The following MAP2K1 variants were observed in gnomAD, a reference collection of about 807,000 sequenced individuals.
MAP2K1 encodes mitogen-activated protein kinase kinase 1.
Under a neutral mutation model 46.3 loss-of-function variants are expected in MAP2K1, and 16 were observed. The observed-to-expected ratio is 0.35, with a 90% CI of 0.23 to 0.52. The LOEUF is 0.52. Among genes scored for constraint, MAP2K1 ranks in the 20% least tolerant of loss-of-function variants. MAP2K1 has a pLI of 0.94. For synonymous variants in MAP2K1, 183 were observed against 185.6 expected, an observed-to-expected ratio of 0.99 and a Z score of 0.11; for missense variants, 263 against 497.1, an observed-to-expected ratio of 0.53 and a Z score of 4.48.
chr15:66,389,695 C>T (rs1179188516), intron 1 of MAP2K1, among the ~76,000 whole-genome samples: 1 of 151,300 alleles, frequency 6.6e-6, no homozygotes, highest in Non-Finnish European at 1.5e-5. Flanking sequence ...CTGCCTCAGC[C>T]TCCTAACTAG....
In MAP2K1 at chr15:66,443,285, A is replaced by G. The variant is rs2140597878; in HGVS notation, c.444A>G (p.Gly148=). The G allele has an allele frequency of 6.2e-7, 1 of 1,605,424 alleles. No homozygotes were observed. The highest frequency in any genetic ancestry group is 8.5e-7 in the Non-Finnish European group (1 of 1,172,266). ...TCTGGTATTCTCGATCTTAGGATGG[A>G]GGTTCTCTGGATCAAGTCCTGAAGA... is the stretch of plus-strand genomic sequence containing the variant. ...EISICMEHMD[G]GSLDQVLKKA... Residue 148 remains glycine (G), a synonymous_variant, in exon 4 of 11, where the codon GGA becomes GGG. Coordinates refer to ENST00000307102, the MANE Select transcript of MAP2K1 (RefSeq NM_002755.4).
intron 4 of MAP2K1, among the ~76,000 whole-genome samples, chr15:66,444,274 C>G (rs1345075489): frequency 6.9e-6 from 1 of 144,174 alleles, no homozygotes; most frequent in Admixed American, 7.0e-5. Context: ...TGGCTTACAC[C>G]TGTAATCCCA....
chr15:66,417,887 C>T (rs1025769709), intron 1 of MAP2K1, among the ~76,000 whole-genome samples: 2 of 152,110 alleles, frequency 1.3e-5, no homozygotes, highest in Non-Finnish European at 2.9e-5. Flanking sequence ...TATCTTCCTG[C>T]CCTTGGGTGT....
At chr15:66,448,882 TA>T (rs1891951371) in intron 5 of MAP2K1, among the ~76,000 whole-genome samples, 1 of 151,580 alleles carries the variant, frequency 6.6e-6, no homozygotes, top group Non-Finnish European at 1.5e-5. Flanking sequence ...CGGATGCCTA[TA>T]ATCCCAGCTA....
intron 1 of MAP2K1, among the ~76,000 whole-genome samples, chr15:66,427,286 G>A (rs924112036): frequency 4.6e-5 from 7 of 152,128 alleles, no homozygotes; most frequent in Non-Finnish European, 8.8e-5. Context: ...TGGGCTGGGG[G>A]TGGTGGCTCA....
At chr15:66,414,813 A>C in intron 1 of MAP2K1, 1 of 161,436 alleles carries the variant, frequency 6.2e-6, no homozygotes, top group Non-Finnish European at 1.2e-5. Flanking sequence ...GTCATCTTTT[A>C]TTTGGAGGTT....
chr15:66,489,923 T>G (rs1193959979), intron 10 of MAP2K1, 160 bp downstream of exon 10: 38 of 738,204 alleles, frequency 5.1e-5, no homozygotes, highest in Non-Finnish European at 8.5e-5. Context: ...TCCTTTGCTC[T>G]CCCATCAGTT....
chr15:66,439,874 GCAGTGAGCTGAGACCACGC>G (rs2093498812), intron 3 of MAP2K1, among the ~76,000 whole-genome samples: 1 of 150,384 alleles, frequency 6.6e-6, no homozygotes, highest in African/African-American at 2.4e-5. Flanking sequence ...GGCAGAGGTT[GCAGTGAGCTGAGACCACGC>G]CATTGCACTC....
At chr15:66,485,224 G>A in intron 7 of MAP2K1, 33 bp downstream of exon 7, 1 of 1,591,774 alleles carries the variant, frequency 6.3e-7, no homozygotes, top group Non-Finnish European at 8.6e-7. Flanking sequence ...ATCTTGGACT[G>A]TTGGAGGGGA....
At chr15:66,465,679 C>A (rs1892446064) in intron 5 of MAP2K1, among the ~76,000 whole-genome samples, 1 of 152,178 alleles carries the variant, frequency 6.6e-6, no homozygotes, top group African/African-American at 2.4e-5. Flanking sequence ...AAGAGCGAAA[C>A]TCCATCTCAA....
At chr15:66,388,904 CTTTT>C (rs72328500) in intron 1 of MAP2K1, among the ~76,000 whole-genome samples, 1 of 111,948 alleles carries the variant, frequency 8.9e-6, no homozygotes, top group Non-Finnish European at 1.8e-5. Flanking sequence ...AACATTTGTT[CTTTT>C]TTTTTTTTTT....
rs544353747 is a variant in MAP2K1, at chr15:66,455,243, A to C, written c.568+10536A>C. Among the ~76,000 whole-genome samples, 9 of 152,322 alleles carry C rather than the reference A, an allele frequency of 5.9e-5. No individual in the cohort carries two copies. In the East Asian group the frequency reaches 1.7e-3, roughly 29 times the overall value. ...ATAGTCCATTGCCTAGTCCAGGTTG[A>C]AAGTGATTTCTGAGTGTGCCCTGCT... On this transcript the variant is annotated intron_variant, in intron 5 of 10. Transcript: ENST00000307102.
rs369406498 is a variant in MAP2K1 at position 66,387,190 on chromosome 15, G to A, written c.-158G>A. The A allele has an allele frequency of 3.0e-5, 16 of 527,432 alleles. No homozygotes were observed. Among genetic ancestry groups the A allele is most frequent in the Admixed American group, 1.3e-4 (3 of 23,292 alleles). 32.7% of individuals were successfully genotyped at this position (527,432 alleles called of 1,614,324 possible). ...CCACTGAGACCGCTACCGGCCCCTC[G>A]GCGCTGACGGGACCGCGCGGGGCGC... On this transcript the variant is annotated 5_prime_UTR_variant, in exon 1 of 11. Coordinates refer to ENST00000307102, the MANE Select transcript of MAP2K1 (RefSeq NM_002755.4).
Position 66,487,890 on chromosome 15 carries a change from G to A in MAP2K1, c.960+598G>A, listed in dbSNP as rs191488394. Among the ~76,000 whole-genome samples, 12 of 152,258 alleles carry A rather than the reference G, an allele frequency of 7.9e-5. No individual in the cohort carries two copies. The South Asian group carries it at 1.0e-3, about 13-fold the overall frequency. On this transcript the variant is annotated intron_variant, in intron 8 of 10. Transcript: ENST00000307102. ...TATCTGAGGTTAGATACGCCATTGC[G>A]TCTCCTAGTGTGCACTGCTTTCTTC... is the stretch of plus-strand genomic sequence containing the variant.
At chr15:66,454,562 C>G (rs1366112652) in intron 5 of MAP2K1, among the ~76,000 whole-genome samples, 3 of 152,166 alleles carry the variant, frequency 2.0e-5, no homozygotes, top group African/African-American at 7.2e-5. Flanking sequence ...ACCAGCCTGA[C>G]TTGGTTTAAG....
rs1425794417 is a variant in MAP2K1 at position 66,436,210 on chromosome 15, A to AT, written c.292-529dup. ...TTCTCTGACACTCGCTGTCTGTGGGATTTTTTTAGAAGTTCAACCTTACTA... is the reference window on the plus strand; with the variant it reads ...TTCTCTGACACTCGCTGTCTGTGGGATTTTTTTTAGAAGTTCAACCTTACTA... On this transcript the variant is annotated intron_variant, in intron 2 of 10. Transcript: ENST00000307102. Among the ~76,000 whole-genome samples, 7 of 152,198 alleles carry AT rather than the reference A, an allele frequency of 4.6e-5. No individual in the cohort carries two copies. The East Asian group carries it at 7.7e-4, about 17-fold the overall frequency.
At chr15:66,448,161 A>AAAG (rs1395358268) in intron 5 of MAP2K1, among the ~76,000 whole-genome samples, 10 of 146,488 alleles carry the variant, frequency 6.8e-5, no homozygotes, top group East Asian at 2.0e-4. Context: ...TCAAAAAAAA[A>AAAG]AAAAAAAAAA....
intron 1 of MAP2K1, among the ~76,000 whole-genome samples, chr15:66,403,877 G>C (rs1401056849): frequency 6.6e-6 from 1 of 152,112 alleles, no homozygotes; most frequent in Non-Finnish European, 1.5e-5. Flanking sequence ...CCACCCTTTA[G>C]TAAACAGTCC....
intron 2 of MAP2K1, among the ~76,000 whole-genome samples, 185 bp from the exon 3 acceptor site, chr15:66,436,561 A>G (rs1362627716): frequency 6.6e-6 from 1 of 152,206 alleles, no homozygotes; most frequent in Non-Finnish European, 1.5e-5. Context: ...AACAGCCTCC[A>G]GTGCCAATGC....
Sources: gnomAD v4.1 joint callset for allele counts (sites outside exome capture counted in the v4.1 genomes callset) on GRCh38, gnomAD v4.1.1 for gene constraint, MANE v1.5 for transcripts, NCBI Gene and HGNC (gene_info 2026-07-23, HGNC 2026-07-21) for gene names.